The following NTSR1 variants were observed in gnomAD, a reference collection of about 807,000 sequenced individuals.
The protein encoded by NTSR1 is neurotensin receptor type 1.
A neutral mutation model predicts 31.2 loss-of-function variants in NTSR1; 29 were observed. That is an observed-to-expected ratio of 0.93 (90% CI 0.69 to 1.27). NTSR1 has a LOEUF of 1.27. Ranked by LOEUF, NTSR1 falls within the 50% of genes most tolerant of loss-of-function variation. The pLI is 0.00. For synonymous variants in NTSR1, 282 were observed against 269.9 expected, an observed-to-expected ratio of 1.04 and a Z score of -0.44; for missense variants, 697 against 595.4, an observed-to-expected ratio of 1.17 and a Z score of -1.78.
chr20:62,751,566 C>G (rs988805783), intron 1 of NTSR1, among the ~76,000 whole-genome samples: 1 of 152,370 alleles, frequency 6.6e-6, no homozygotes, highest in Admixed American at 6.5e-5. Context: ...ACGGCACTGA[C>G]GGCCACGGAT....
intron 1 of NTSR1, among the ~76,000 whole-genome samples, chr20:62,720,058 G>A (rs1341097974): frequency 6.6e-6 from 1 of 152,170 alleles, no homozygotes; most frequent in Non-Finnish European, 1.5e-5. Context: ...CCAGCACCGT[G>A]GGAGGCCAAG....
Position 62,754,674 on chromosome 20 carries a change from C to G in NTSR1, c.715-11C>G. On this transcript the variant is annotated splice_polypyrimidine_tract_variant and intron_variant, in intron 1 of 3. Transcript: ENST00000370501. The stretch of plus-strand genomic sequence containing the variant: ...GCTGGCTCTGACAGCCTCGCCCTTC[C>G]TCTCCTGCAGGTCAACACCTTCATG... The G allele has an allele frequency of 6.2e-7, 1 of 1,610,090 alleles. No homozygotes were observed. Among genetic ancestry groups the G allele is most frequent in the Non-Finnish European group, 8.5e-7 (1 of 1,178,444 alleles).
intron 1 of NTSR1, among the ~76,000 whole-genome samples, chr20:62,749,044 T>C (rs929886951): frequency 6.6e-6 from 1 of 152,128 alleles, no homozygotes; most frequent in Non-Finnish European, 1.5e-5. Context: ...TCTTCTGTCA[T>C]AAGCAACATA....
chr20:62,715,714 G>A lies in NTSR1; in HGVS notation c.714+5793G>A, dbSNP rs1418845209. 1.3e-5 allele frequency among the ~76,000 whole-genome samples: 2 copies of A among 152,238 alleles called. No individual in the cohort carries two copies. Among genetic ancestry groups the A allele is most frequent in the Non-Finnish European group, 2.9e-5 (2 of 68,044 alleles). On this transcript the variant is annotated intron_variant, in intron 1 of 3. Coordinates refer to ENST00000370501, the MANE Select transcript of NTSR1 (RefSeq NM_002531.3). The surrounding 1 kb of genome is among the most constrained non-coding windows in gnomAD (Gnocchi z 4.7). ...AGGACAAATGGGGTCCTGGGGCTGT[G>A]CCTGCAGTTCTGTGGGTACTGAGGG...
rs894872331 is a variant in NTSR1, at chr20:62,762,307, G to A, written c.*2040G>A. On this transcript the variant is annotated 3_prime_UTR_variant, in exon 4 of 4. Transcript: ENST00000370501. ...TCGTTCCGCCCTCTCAGCTGGATGA[G>A]ACTGTCCTGGAGGATCCACCCCGGA... is the stretch of plus-strand genomic sequence containing the variant. The A allele has an allele frequency of 2.0e-5, 3 of 152,248 alleles. No homozygotes were observed. Among genetic ancestry groups the A allele is most frequent in the Non-Finnish European group, 4.4e-5 (3 of 68,054 alleles). The allele number at this position is 152,248 out of a possible 1,614,324, so 9.4% of individuals were successfully genotyped here. A position where few individuals can be genotyped will look rare whatever the true frequency, so the allele number is the denominator to read the frequency against.
At position 62,759,999 on chromosome 20, in the gene NTSR1, C is replaced by T. The variant is rs778234310; in HGVS notation, c.1008-19C>T. The T allele has an allele frequency of 6.8e-6, 11 of 1,610,532 alleles. No individual in the cohort carries two copies. The highest frequency in any genetic ancestry group is 2.2e-5 in the East Asian group (1 of 44,804). On this transcript the variant is annotated intron_variant, in intron 3 of 3. Transcript: ENST00000370501. ...TCAAGAGTTCTCTCTGGGATCTGAG[C>T]GCCTCTCTCTCCCCGCAGGTTCCTC...
chr20:62,755,118 CTCCCTCCATCCATCCTTCCT>C (rs527730197), intron 2 of NTSR1, among the ~76,000 whole-genome samples: 10,179 of 143,632 alleles, frequency 0.071, 475 homozygotes, highest in African/African-American at 0.13. Flanking sequence ...CCTTCCCTCC[CTCCCTCCATCCATCCTTCCT>C]TCCCTCCATC....
At position 62,760,561 on chromosome 20, in the gene NTSR1, G is replaced by A; in HGVS notation, c.*294G>A. ...GGGCCTCTAACAAGGAGAAATTAGT[G>A]TGCGGCAAAAGGCAGTTTTCTTTGT... On this transcript the variant is annotated 3_prime_UTR_variant, in exon 4 of 4. Transcript: ENST00000370501. 1 of 360,938 alleles carries A rather than the reference G, an allele frequency of 2.8e-6. No homozygotes were observed. The highest frequency in any genetic ancestry group is 6.9e-5 in the South Asian group (1 of 14,392). 22.4% of individuals were successfully genotyped at this position (360,938 alleles called of 1,614,324 possible).
intron 1 of NTSR1, among the ~76,000 whole-genome samples, chr20:62,719,509 A>G (rs1327829977): frequency 6.6e-6 from 1 of 150,888 alleles, no homozygotes; most frequent in African/African-American, 2.4e-5. Flanking sequence ...TCATGCGACC[A>G]TCTCCACCCT....
rs1989339136 is a variant in NTSR1, at chr20:62,748,397, A to G, written c.715-6288A>G. Among the ~76,000 whole-genome samples the G allele has an allele frequency of 2.0e-5, 3 of 151,832 alleles. No homozygotes were observed. The South Asian group carries it at 6.2e-4, about 32-fold the overall frequency. On this transcript the variant is annotated intron_variant, in intron 1 of 3. Transcript: ENST00000370501. ...TCAGTGCAATCCCTATCAAAATTTC[A>G]ATGACATTTTACACAGAAATAGAAA...
intron 1 of NTSR1, among the ~76,000 whole-genome samples, chr20:62,725,314 A>G: frequency 6.6e-6 from 1 of 152,366 alleles, no homozygotes; most frequent in East Asian, 1.9e-4. Flanking sequence ...GAGCAGGGGT[A>G]GGAGTGACCT....
rs1988555155 is a variant in NTSR1, at chr20:62,709,533, C to T, written c.326C>T (p.Ala109Val). Residue 109 changes from alanine (A) to valine (V), a missense_variant, in exon 1 of 4, where the codon GCG becomes GTG. Coordinates refer to ENST00000370501, the MANE Select transcript of NTSR1 (RefSeq NM_002531.3). Reference protein sequence around the residue: ...STVHYHLGSLALSDLLTLLLA... With the variant: ...STVHYHLGSLVLSDLLTLLLA... ...GTGCATTACCACCTGGGCAGCCTGG[C>T]GCTGTCCGACCTGCTCACCCTGCTG... 1.2e-6 allele frequency: 2 copies of T among 1,612,116 alleles called. No homozygotes were observed. Among genetic ancestry groups the T allele is most frequent in the African/African-American group, 1.3e-5 (1 of 74,942 alleles).
chr20:62,710,977 A>C (rs1988600060), intron 1 of NTSR1, among the ~76,000 whole-genome samples: 1 of 152,122 alleles, frequency 6.6e-6, no homozygotes, highest in Non-Finnish European at 1.5e-5. Context: ...AACTCCCCAC[A>C]CACCAGCATC....
intron 1 of NTSR1, among the ~76,000 whole-genome samples, chr20:62,723,927 G>C (rs918941626): frequency 1.3e-5 from 2 of 152,218 alleles, no homozygotes; most frequent in Admixed American, 6.5e-5. Flanking sequence ...GTGGCAGCAG[G>C]TCAGGCGGAG....
chr20:62,722,356 G>A (rs1379638543), intron 1 of NTSR1, among the ~76,000 whole-genome samples: 1 of 152,158 alleles, frequency 6.6e-6, no homozygotes, highest in Non-Finnish European at 1.5e-5. Flanking sequence ...CCATCCTCCT[G>A]TGTCATGGGC....
rs1200934825 is a variant in NTSR1 at position 62,762,365 on chromosome 20, CTG to C, written c.*2099_*2100del. 2 of 152,226 alleles carry C rather than the reference CTG, an allele frequency of 1.3e-5. No individual in the cohort carries two copies. The highest frequency in any genetic ancestry group is 3.8e-4 in the East Asian group (2 of 5,200). 9.4% of individuals were successfully genotyped at this position (152,226 alleles called of 1,614,324 possible). Reference sequence around the variant, plus strand: ...GAATGGTGTCTCTCAGGATGGTGCTCTGAGAGAGGGCAGAGTGGATGCCCCAC... The same window carrying C: ...GAATGGTGTCTCTCAGGATGGTGCTCAGAGAGGGCAGAGTGGATGCCCCAC... On this transcript the variant is annotated 3_prime_UTR_variant, in exon 4 of 4. Transcript: ENST00000370501.
Position 62,760,037 on chromosome 20 carries a change from C to T in NTSR1, c.1027C>T (p.His343Tyr), listed in dbSNP as rs764819475. 3 of 1,614,060 alleles carry T rather than the reference C, an allele frequency of 1.9e-6. No homozygotes were observed. Among genetic ancestry groups the T allele is most frequent in the Admixed American group, 3.3e-5 (2 of 60,020 alleles). ...QWTPFLYDFY[H>Y]YFYMVTNALF... is the part of the protein sequence containing the mutation. ...CCGCAGGTTCCTCTATGACTTCTAC[C>T]ACTACTTCTACATGGTGACCAACGC... The change falls in exon 4 of 4, where the codon CAC (histidine) becomes TAC (tyrosine). Residue 343 changes from histidine to tyrosine, a missense_variant. His to Tyr is a moderately conservative substitution (Grantham distance 83). Transcript: ENST00000370501.
chr20:62,742,125 G>T lies in NTSR1; in HGVS notation c.715-12560G>T, dbSNP rs888018285. On this transcript the variant is annotated intron_variant, in intron 1 of 3. Coordinates refer to ENST00000370501, the MANE Select transcript of NTSR1 (RefSeq NM_002531.3). This position sits in a 1 kb window ranked among gnomAD's most constrained non-coding sequence, Gnocchi z 7.1. ...AGAGCTCTCTGATGGAGGCGTGGAC[G>T]GGGTCGTGAGGGGCCAAGTACTAGC... Among the ~76,000 whole-genome samples, 1 of 149,540 alleles carries T rather than the reference G, an allele frequency of 6.7e-6. No individual in the cohort carries two copies. Among genetic ancestry groups the T allele is most frequent in the Non-Finnish European group, 1.5e-5 (1 of 68,010 alleles).
intron 1 of NTSR1, among the ~76,000 whole-genome samples, chr20:62,748,666 C>T (rs1367903190): frequency 6.6e-6 from 1 of 152,116 alleles, no homozygotes. Context: ...TTTGAATGTC[C>T]CCTCCAAATC....
Sources: gnomAD v4.1 joint callset for allele counts (sites outside exome capture counted in the v4.1 genomes callset) on GRCh38, gnomAD v4.1.1 for gene constraint, Gnocchi (gnomAD v3.1) non-coding constraint, MANE v1.5 for transcripts, NCBI Gene and HGNC (gene_info 2026-07-23, HGNC 2026-07-21) for gene names.